FAP: variants seen among roughly 807,000 people sequenced by gnomAD.
FAP encodes the protein prolyl endopeptidase FAP.
A neutral mutation model predicts 126.5 loss-of-function variants in FAP; 110 were observed. The observed-to-expected ratio is 0.87, with a 90% CI of 0.74 to 1.02. FAP has a LOEUF of 1.02. Ranked by LOEUF, FAP falls within the 50% of genes least tolerant of loss-of-function variation. The pLI is 0.00. For missense variants in FAP, 919 were observed against 909.2 expected, an observed-to-expected ratio of 1.01 and a Z score of -0.14; for synonymous variants, 334 against 297.3, an observed-to-expected ratio of 1.12 and a Z score of -1.27.
intron 24 of FAP, 36 bp from the exon 25 acceptor site, chr2:162,172,920 A>T: frequency 6.6e-7 from 1 of 1,509,188 alleles, no homozygotes; most frequent in Non-Finnish European, 9.2e-7. Context: ...AGTGCTGCTA[A>T]ATACCAGAAA....
intron 21 of FAP, among the ~76,000 whole-genome samples, chr2:162,177,006 G>A (rs754113917): frequency 2.6e-5 from 4 of 152,056 alleles, no homozygotes; most frequent in Non-Finnish European, 4.4e-5. Flanking sequence ...TAAATTCTCG[G>A]GCAGCTTGGA....
intron 2 of FAP, among the ~76,000 whole-genome samples, chr2:162,236,043 C>A (rs1690115760): frequency 6.6e-6 from 1 of 152,088 alleles, no homozygotes; most frequent in Non-Finnish European, 1.5e-5. Context: ...TTGTCAAATC[C>A]TTTTTCTGTG....
intron 2 of FAP, among the ~76,000 whole-genome samples, chr2:162,235,399 G>A (rs998052089): frequency 6.6e-6 from 1 of 152,222 alleles, no homozygotes; most frequent in African/African-American, 2.4e-5. Flanking sequence ...GGGACTTGGA[G>A]AACCTTTGTG....
intron 21 of FAP, among the ~76,000 whole-genome samples, chr2:162,180,110 A>G (rs1453241705): frequency 6.6e-6 from 1 of 152,022 alleles, no homozygotes; most frequent in East Asian, 1.9e-4. Context: ...CCTGGCCATA[A>G]TTTAAATTAC....
chr2:162,177,040 G>A (rs1312568420), intron 21 of FAP, among the ~76,000 whole-genome samples: 1 of 150,538 alleles, frequency 6.6e-6, no homozygotes, highest in Non-Finnish European at 1.5e-5. Flanking sequence ...TTGTAGAAAT[G>A]AAGAGGGGGA....
intron 22 of FAP, 120 bp downstream of exon 22, chr2:162,174,747 T>C: frequency 1.7e-6 from 1 of 602,756 alleles, no homozygotes; most frequent in Non-Finnish European, 2.9e-6. Flanking sequence ...TTATAAATTA[T>C]ATTTTCCCCA....
intron 20 of FAP, among the ~76,000 whole-genome samples, chr2:162,186,107 G>A (rs1687861168): frequency 6.6e-6 from 1 of 151,996 alleles, no homozygotes; most frequent in Non-Finnish European, 1.5e-5. Flanking sequence ...TCAGAGTGTA[G>A]GTGGCTTATT....
At chr2:162,175,210 C>T (rs1230337541) in intron 21 of FAP, 1 of 264,916 alleles carries the variant, frequency 3.8e-6, no homozygotes, top group African/African-American at 2.2e-5. Context: ...CCTCTTAAAA[C>T]ATGGTAGGAG....
rs766104252 is a variant in FAP at position 162,173,212 on chromosome 2, C to G, written c.2044G>C (p.Val682Leu). Residue 682 changes from valine to leucine, a missense_variant, in exon 24 of 26, where the codon GTG (valine) becomes CTG (leucine). Val to Leu is a conservative substitution (Grantham distance 32). Transcript: ENST00000188790. Reference sequence around the variant, plus strand: ...CTGAAATATTCTGCTCTTGCCATCACAGTTGAATTCTGGAAAAGAGAAAAA... The same window carrying G: ...CTGAAATATTCTGCTCTTGCCATCAGAGTTGAATTCTGGAAAAGAGAAAAA... ...DNLEHYKNST[V>L]MARAEYFRNV... The G allele has an allele frequency of 1.2e-6, 2 of 1,612,668 alleles. No individual in the cohort carries two copies. Among genetic ancestry groups the G allele is most frequent in the Non-Finnish European group, 1.7e-6 (2 of 1,178,892 alleles).
intron 21 of FAP, chr2:162,176,437 CAT>C (rs1687485931): frequency 6.6e-6 from 1 of 152,082 alleles, no homozygotes; most frequent in South Asian, 2.1e-4. Context: ...AGAACTGAAC[CAT>C]GTTTTAATAG....
intron 12 of FAP, among the ~76,000 whole-genome samples, chr2:162,204,777 C>T (rs748309522): frequency 6.6e-6 from 1 of 152,164 alleles, no homozygotes; most frequent in African/African-American, 2.4e-5. Flanking sequence ...CCCTAGGAAA[C>T]TAATACAGTG....
At chr2:162,235,943 G>GT (rs1051651226) in intron 2 of FAP, among the ~76,000 whole-genome samples, 35 of 150,448 alleles carry the variant, frequency 2.3e-4, no homozygotes, top group Middle Eastern at 3.2e-3. Flanking sequence ...GTTAACTATG[G>GT]TTTTTTTTTG....
chr2:162,206,083 A>G (rs1688687335), intron 12 of FAP, among the ~76,000 whole-genome samples: 1 of 152,220 alleles, frequency 6.6e-6, no homozygotes, highest in Admixed American at 6.5e-5. Flanking sequence ...AATATTTCTG[A>G]TAAGCAAAGA....
intron 14 of FAP, 130 bp from the exon 15 acceptor site, chr2:162,200,749 C>A (rs1239272387): frequency 4.0e-6 from 2 of 505,396 alleles, no homozygotes; most frequent in Non-Finnish European, 7.1e-6. Flanking sequence ...TGCTTAAGTA[C>A]ACAAATAACT....
intron 2 of FAP, among the ~76,000 whole-genome samples, chr2:162,231,612 T>C (rs1439081071): frequency 6.6e-6 from 1 of 152,224 alleles, no homozygotes; most frequent in Admixed American, 6.5e-5. Flanking sequence ...ATTTTCAGCT[T>C]ATTAAAGCAA....
chr2:162,204,786 T>C (rs1208368378), intron 12 of FAP, among the ~76,000 whole-genome samples: 1 of 152,194 alleles, frequency 6.6e-6, no homozygotes, highest in East Asian at 1.9e-4. Context: ...ACTAATACAG[T>C]GCCCTAAGTC....
Position 162,171,093 on chromosome 2 carries a change from G to GA in FAP, c.2182-14dup, listed in dbSNP as rs751443035. On this transcript the variant is annotated splice_polypyrimidine_tract_variant and intron_variant, in intron 25 of 25. Transcript: ENST00000188790. ...GGTCAGAGTACCACTGAAACACAAA[G>GA]AAAAAAGCTTGTTTTATTCCTGCAG... 6 of 1,607,296 alleles carry GA rather than the reference G, an allele frequency of 3.7e-6. No individual in the cohort carries two copies. The highest frequency in any genetic ancestry group is 5.1e-6 in the Non-Finnish European group (6 of 1,175,870).
chr2:162,174,593 T>C (rs1265940300), intron 22 of FAP, among the ~76,000 whole-genome samples: 1 of 152,176 alleles, frequency 6.6e-6, no homozygotes, highest in Non-Finnish European at 1.5e-5. Flanking sequence ...GAGTTAGCTC[T>C]GATTTTAAAG....
At chr2:162,209,836 C>T (rs954871380) in intron 12 of FAP, 116 bp downstream of exon 12, 5 of 864,602 alleles carry the variant, frequency 5.8e-6, no homozygotes, top group Non-Finnish European at 9.4e-6. Flanking sequence ...TTATACCTTG[C>T]TACTTTTTCT....
Sources: gnomAD v4.1 joint callset for allele counts (sites outside exome capture counted in the v4.1 genomes callset) on GRCh38, gnomAD v4.1.1 for gene constraint, MANE v1.5 for transcripts, NCBI Gene and HGNC (gene_info 2026-07-23, HGNC 2026-07-21) for gene names.